Variants in KCNK2 observed in about 807,000 individuals in gnomAD.
KCNK2 encodes the protein potassium two pore domain channel subfamily K member 2.
In KCNK2, 21 loss-of-function variants were observed where a neutral mutation model predicts 40.5. The observed-to-expected ratio is 0.52, with a 90% confidence interval of 0.37 to 0.75. KCNK2 has a LOEUF of 0.75. Among genes scored for constraint, KCNK2 ranks in the 30% least tolerant of loss-of-function variants. The pLI is 0.00. For missense variants in KCNK2, 399 were observed against 531.6 expected (o/e 0.75, Z 2.45); for synonymous variants, 191 against 202.2 (o/e 0.94, Z 0.47).
chr1:215,040,349 T>C (rs748216326), intron 1 of KCNK2, among the ~76,000 whole-genome samples: 26 of 152,122 alleles, frequency 1.7e-4, no homozygotes, highest in Non-Finnish European at 3.4e-4. Flanking sequence ...ATTAGAGAGG[T>C]TGCATAACTT....
chr1:215,100,157 G>A (rs1422379456), intron 2 of KCNK2, among the ~76,000 whole-genome samples: 1 of 151,956 alleles, frequency 6.6e-6, no homozygotes, highest in East Asian at 1.9e-4. Context: ...TTCTAGATGT[G>A]GAGGGGAATC....
At chr1:215,007,027 A>ATGTGTGTGTGTGTGTG (rs1398954474) in intron 1 of KCNK2, among the ~76,000 whole-genome samples, 1 of 56,152 alleles carries the variant, frequency 1.8e-5, no homozygotes, top group African/African-American at 5.8e-5. Context: ...ATATATATAT[A>ATGTGTGTGTGTGTGTG]TATATATATA....
At chr1:215,042,437 G>A (rs1657602369) in intron 1 of KCNK2, among the ~76,000 whole-genome samples, 2 of 152,142 alleles carry the variant, frequency 1.3e-5, no homozygotes, top group South Asian at 4.1e-4. Context: ...GAGTGTCATA[G>A]GATGGGTCAG....
intron 1 of KCNK2, among the ~76,000 whole-genome samples, chr1:215,067,288 T>C (rs1658588139): frequency 6.6e-6 from 1 of 152,172 alleles, no homozygotes; most frequent in African/African-American, 2.4e-5. Context: ...ACAATTATTA[T>C]TTATCAATTT....
chr1:215,093,059 C>T (rs1659761590), intron 2 of KCNK2, among the ~76,000 whole-genome samples: 1 of 152,010 alleles, frequency 6.6e-6, no homozygotes. Flanking sequence ...TGAAGATACA[C>T]ATTTGGAAGT....
chr1:215,055,565 G>A (rs1658129563), intron 1 of KCNK2, among the ~76,000 whole-genome samples: 1 of 152,180 alleles, frequency 6.6e-6, no homozygotes, highest in African/African-American at 2.4e-5. Context: ...AAGTAAAATA[G>A]GCCCCAGGAT....
chr1:215,122,869 C>T (rs555345668), intron 2 of KCNK2, among the ~76,000 whole-genome samples: 64 of 151,680 alleles, frequency 4.2e-4, no homozygotes, highest in African/African-American at 1.4e-3. Flanking sequence ...CTCCACCTCC[C>T]GAGTAGCTGG....
intron 6 of KCNK2, among the ~76,000 whole-genome samples, chr1:215,230,017 TTA>T (rs139170968): frequency 0.054 from 7,901 of 145,400 alleles, 662 homozygotes; most frequent in African/African-American, 0.19. Context: ...CACACACAGA[TTA>T]TATATATATA....
chr1:215,201,245 G>A (rs190035588), intron 6 of KCNK2, among the ~76,000 whole-genome samples: 1 of 152,062 alleles, frequency 6.6e-6, no homozygotes. Flanking sequence ...GATCATATTG[G>A]CTAAAGAAAA....
At chr1:215,012,110 C>T (rs756174481) in intron 1 of KCNK2, among the ~76,000 whole-genome samples, 1 of 152,236 alleles carries the variant, frequency 6.6e-6, no homozygotes, top group Non-Finnish European at 1.5e-5. Flanking sequence ...CTGCTCTTAA[C>T]GTGCCCTGGA....
intron 1 of KCNK2, among the ~76,000 whole-genome samples, chr1:215,025,499 C>T (rs1656972405): frequency 6.6e-6 from 1 of 151,898 alleles, no homozygotes; most frequent in Non-Finnish European, 1.5e-5. Context: ...ACCTGTAAAC[C>T]CCCTTAACTA....
chr1:215,041,013 TA>T (rs1229694978), intron 1 of KCNK2, among the ~76,000 whole-genome samples: 1 of 152,166 alleles, frequency 6.6e-6, no homozygotes, highest in Non-Finnish European at 1.5e-5. Context: ...CACTTCCTTT[TA>T]AGCTTTTGCA....
chr1:215,013,535 T>C (rs1441822675), intron 1 of KCNK2, among the ~76,000 whole-genome samples: 1 of 152,212 alleles, frequency 6.6e-6, no homozygotes, highest in East Asian at 1.9e-4. Flanking sequence ...ATCTAAACGA[T>C]ACTGAGCCTT....
intron 6 of KCNK2, among the ~76,000 whole-genome samples, chr1:215,232,869 G>A (rs1349630535): frequency 6.6e-6 from 1 of 152,104 alleles, no homozygotes; most frequent in African/African-American, 2.4e-5. Flanking sequence ...AGTTCTGACT[G>A]TGCCCCAAGA....
chr1:215,185,327 C>A (rs1437033313), intron 5 of KCNK2, among the ~76,000 whole-genome samples: 1 of 152,054 alleles, frequency 6.6e-6, no homozygotes, highest in Admixed American at 6.6e-5. Flanking sequence ...AGCTATGATA[C>A]CCTGTTTCTA....
chr1:215,121,425 C>T (rs1319900469), intron 2 of KCNK2, among the ~76,000 whole-genome samples: 3 of 152,034 alleles, frequency 2.0e-5, no homozygotes. Flanking sequence ...GGGATTATGC[C>T]ACCAGGCCCA....
upstream of KCNK2, among the ~76,000 whole-genome samples, chr1:215,082,715 G>A (rs1659215617): frequency 6.6e-6 from 1 of 151,968 alleles, no homozygotes; most frequent in African/African-American, 2.4e-5. Flanking sequence ...GAGGCGAAGA[G>A]GAGGGAGTTC....
intron 1 of KCNK2, among the ~76,000 whole-genome samples, chr1:215,020,844 T>G (rs926267625): frequency 3.3e-5 from 5 of 152,228 alleles, no homozygotes; most frequent in Non-Finnish European, 5.9e-5. Context: ...CGCCATATAC[T>G]GTCAGATGCA....
At chr1:215,155,017 A>G (rs1456082750) in intron 3 of KCNK2, among the ~76,000 whole-genome samples, 1 of 152,078 alleles carries the variant, frequency 6.6e-6, no homozygotes, top group African/African-American at 2.4e-5. Flanking sequence ...CTTACCTAGT[A>G]GTTACATTTA....
Sources: allele counts gnomAD v4.1 joint callset (sites outside exome capture counted in the v4.1 genomes callset), GRCh38; gene constraint gnomAD v4.1.1; transcripts MANE v1.5; gene names NCBI Gene and HGNC (gene_info 2026-07-23, HGNC 2026-07-21).